The following CDH8 variants were observed in gnomAD, a reference collection of about 807,000 sequenced individuals.
CDH8 encodes cadherin 8.
A neutral mutation model predicts 68.1 loss-of-function variants in CDH8; 17 were observed. That is an observed-to-expected ratio of 0.25 (90% CI 0.17 to 0.37). CDH8 has a LOEUF of 0.37. CDH8 is among the 10% of genes least tolerant of loss of function. CDH8 has a pLI of 1.00. For synonymous variants in CDH8, 372 were observed against 365.1 expected (o/e 1.02, Z -0.21); for missense variants, 763 against 999.3 (o/e 0.76, Z 3.19).
At chr16:61,660,302 C>A (rs1411699043) in intron 10 of CDH8, among the ~76,000 whole-genome samples, 1 of 150,672 alleles carries the variant, frequency 6.6e-6, no homozygotes, top group East Asian at 1.9e-4. Flanking sequence ...AAGAAAAAGC[C>A]CATGAGAGGG....
intron 7 of CDH8, among the ~76,000 whole-genome samples, chr16:61,800,045 A>C (rs917806236): frequency 3.3e-5 from 5 of 152,094 alleles, no homozygotes; most frequent in South Asian, 2.1e-4. Context: ...GGTAGCTGAG[A>C]TTACGGGTAT....
intron 8 of CDH8, among the ~76,000 whole-genome samples, chr16:61,764,070 C>T (rs985933477): frequency 2.6e-5 from 4 of 152,048 alleles, no homozygotes; most frequent in African/African-American, 9.7e-5. Context: ...TTGACAATTG[C>T]AATGGGCCAG....
At chr16:62,009,115 T>G (rs2150602644) in intron 2 of CDH8, among the ~76,000 whole-genome samples, 1 of 152,280 alleles carries the variant, frequency 6.6e-6, no homozygotes, top group African/African-American at 2.4e-5. Flanking sequence ...CTAGGGAGTC[T>G]GACTTGCTTC....
At chr16:61,761,408 A>G (rs1960464058) in intron 8 of CDH8, among the ~76,000 whole-genome samples, 1 of 152,154 alleles carries the variant, frequency 6.6e-6, no homozygotes, top group African/African-American at 2.4e-5. Flanking sequence ...ATAGTCTTTG[A>G]TGATAACTAA....
Position 61,901,378 on chromosome 16 carries a change from T to G in CDH8, c.348A>C (p.Gly116=), listed in dbSNP as rs775407969. The G allele has an allele frequency of 6.2e-7, 1 of 1,613,708 alleles. No individual in the cohort carries two copies. The highest frequency in any genetic ancestry group is 1.1e-5 in the South Asian group (1 of 91,070). Residue 116 remains glycine (G), a synonymous_variant, in exon 3 of 12, where the codon GGA becomes GGC. Coordinates refer to ENST00000577390, the MANE Select transcript of CDH8 (RefSeq NM_001796.5). ...GTIFQINDVT[G]DIHAIKRLDR... is the part of the protein sequence containing the mutation. ...CAAGTCTTTTTATAGCATGGATATC[T>G]CCAGTTACATCATTTATTTGAAATA...
intron 5 of CDH8, 114 bp downstream of exon 5, chr16:61,824,898 A>C (rs893837347): frequency 1.0e-5 from 9 of 858,900 alleles, no homozygotes; most frequent in South Asian, 3.2e-5. Context: ...CCTGGCACAT[A>C]ATAAGCCACT....
intron 8 of CDH8, among the ~76,000 whole-genome samples, chr16:61,777,057 C>A (rs959733477): frequency 2.0e-5 from 3 of 152,012 alleles, no homozygotes; most frequent in African/African-American, 7.2e-5. Context: ...AATGAAAAAG[C>A]AATGATTCCA....
chr16:62,031,441 T>C (rs1902322741), intron 1 of CDH8, among the ~76,000 whole-genome samples: 1 of 152,154 alleles, frequency 6.6e-6, no homozygotes, highest in African/African-American at 2.4e-5. Flanking sequence ...GCAGGGTCTT[T>C]GCTAATTTCT....
chr16:61,735,736 T>G (rs532004971), intron 8 of CDH8, among the ~76,000 whole-genome samples: 1 of 152,104 alleles, frequency 6.6e-6, no homozygotes, highest in African/African-American at 2.4e-5. Context: ...AATAGGGAAT[T>G]ATCTTTCGCC....
intron 9 of CDH8, among the ~76,000 whole-genome samples, chr16:61,717,571 C>T (rs1245450696): frequency 6.6e-6 from 1 of 151,516 alleles, no homozygotes; most frequent in Non-Finnish European, 1.5e-5. Flanking sequence ...CAGAATATCA[C>T]TGCCATTATT....
chr16:61,938,546 A>G (rs1321372562), intron 2 of CDH8, among the ~76,000 whole-genome samples: 1 of 152,168 alleles, frequency 6.6e-6, no homozygotes, highest in South Asian at 2.1e-4. Flanking sequence ...TGTTAGTGTT[A>G]ATAAATAACA....
chr16:61,723,772 A>G (rs1038354593), intron 9 of CDH8, among the ~76,000 whole-genome samples: 3 of 150,582 alleles, frequency 2.0e-5, no homozygotes, highest in Non-Finnish European at 1.5e-5. Context: ...CTGATTTTGG[A>G]ATCCTCAACA....
intron 10 of CDH8, among the ~76,000 whole-genome samples, chr16:61,691,146 A>G (rs946285571): frequency 7.9e-5 from 12 of 152,048 alleles, no homozygotes; most frequent in Non-Finnish European, 1.5e-4. Flanking sequence ...GTCCAGGTTA[A>G]CTTCCTTCAG....
At chr16:61,755,872 G>A (rs1960302710) in intron 8 of CDH8, among the ~76,000 whole-genome samples, 1 of 151,934 alleles carries the variant, frequency 6.6e-6, no homozygotes, top group South Asian at 2.1e-4. Context: ...CCAGGCTGGA[G>A]TGCAATGGTT....
intron 2 of CDH8, among the ~76,000 whole-genome samples, chr16:61,982,981 T>C (rs547707738): frequency 6.6e-6 from 1 of 152,250 alleles, no homozygotes; most frequent in African/African-American, 2.4e-5. Flanking sequence ...AGTTTCTACA[T>C]GTAACATATA....
chr16:61,807,515 A>G (rs922100453), intron 7 of CDH8, among the ~76,000 whole-genome samples: 1 of 152,144 alleles, frequency 6.6e-6, no homozygotes, highest in African/African-American at 2.4e-5. Flanking sequence ...CAAACAAACA[A>G]ACAAAAAATT....
intron 8 of CDH8, among the ~76,000 whole-genome samples, chr16:61,757,583 A>T (rs1329501609): frequency 6.6e-6 from 1 of 152,174 alleles, no homozygotes. Flanking sequence ...ATAGATCAAT[A>T]GTATATGAAC....
intron 3 of CDH8, among the ~76,000 whole-genome samples, chr16:61,860,722 G>A (rs72798760): frequency 0.017 from 2,535 of 152,044 alleles, 35 homozygotes; most frequent in South Asian, 0.036. Flanking sequence ...ATATGTAATC[G>A]AAAAAGAAAA....
intron 1 of CDH8, among the ~76,000 whole-genome samples, chr16:62,027,425 C>G (rs1902221345): frequency 6.6e-6 from 1 of 152,172 alleles, no homozygotes; most frequent in Non-Finnish European, 1.5e-5. Context: ...TAGGTGACGT[C>G]TAAAACAAAA....
Sources: gnomAD v4.1 joint callset for allele counts (sites outside exome capture counted in the v4.1 genomes callset) on GRCh38, gnomAD v4.1.1 for gene constraint, MANE v1.5 for transcripts, NCBI Gene and HGNC (gene_info 2026-07-23, HGNC 2026-07-21) for gene names.